The following CDCA7L variants were observed in gnomAD, a reference collection of about 807,000 sequenced individuals.
The protein encoded by CDCA7L is cell division cycle associated 7 like, also known as cell division cycle-associated 7-like protein.
Under a neutral mutation model 57.4 loss-of-function variants are expected in CDCA7L, and 44 were observed. That is an observed-to-expected ratio of 0.77 (90% confidence interval 0.60 to 0.98). The LOEUF is 0.98. Among genes scored for constraint, CDCA7L ranks in the 50% least tolerant of loss-of-function variants. The probability of loss-of-function intolerance (pLI) is 0.00; values close to 1 mark genes in which losing one functional copy is unlikely to be tolerated. For missense variants in CDCA7L, 644 were observed against 580.6 expected, an observed-to-expected ratio of 1.11 and a Z score of -1.12; for synonymous variants, 236 against 202.8, an observed-to-expected ratio of 1.16 and a Z score of -1.39.
intron 9 of CDCA7L, 157 bp from the exon 10 acceptor site, chr7:21,902,509 C>T (rs1447237272): frequency 1.4e-6 from 1 of 709,036 alleles, no homozygotes; most frequent in Admixed American, 2.2e-5. Flanking sequence ...ATCCGTATAC[C>T]CTCTGGTGTA....
At chr7:21,928,786 C>T (rs963430797) in intron 1 of CDCA7L, among the ~76,000 whole-genome samples, 1 of 151,866 alleles carries the variant, frequency 6.6e-6, no homozygotes, top group African/African-American at 2.4e-5. Flanking sequence ...AAAAAAGCCT[C>T]CAAGAAATAT....
rs1047187291 is a variant in CDCA7L, at chr7:21,900,934, C to G, written c.*1388G>C. On this transcript the variant is annotated 3_prime_UTR_variant, in exon 10 of 10. Transcript: ENST00000406877. Reference sequence around the variant, plus strand: ...CCAGAATGTTGAATGTTTATTGCATCAAACAACTTACTTGATCATTATCAT... The same window carrying G: ...CCAGAATGTTGAATGTTTATTGCATGAAACAACTTACTTGATCATTATCAT... 4 of 1,386,890 alleles carry G rather than the reference C, an allele frequency of 2.9e-6. No individual in the cohort carries two copies. The highest frequency in any genetic ancestry group is 1.9e-5 in the African/African-American group (1 of 52,706). The allele number at this position is 1,386,890 out of a possible 1,614,324, so 85.9% of individuals were successfully genotyped here.
chr7:21,914,300 A>C (rs1437120368), intron 2 of CDCA7L, among the ~76,000 whole-genome samples: 1 of 152,216 alleles, frequency 6.6e-6, no homozygotes, highest in African/African-American at 2.4e-5. Flanking sequence ...ATGAGGACGA[A>C]AAGTCAGAGC....
chr7:21,921,593 CTT>C (rs201649581), intron 1 of CDCA7L, among the ~76,000 whole-genome samples: 2 of 138,948 alleles, frequency 1.4e-5, no homozygotes, highest in East Asian at 2.1e-4. Flanking sequence ...AATGCAAGAC[CTT>C]TTTTTTTTTT....
rs188115808 is a variant in CDCA7L, at chr7:21,901,379, C to G, written c.*943G>C. On this transcript the variant is annotated 3_prime_UTR_variant, in exon 10 of 10. Coordinates refer to ENST00000406877, the MANE Select transcript of CDCA7L (RefSeq NM_018719.5). ...ACTCACACGTGCATTCTTTTTTCAACGCTATCCTTAGAGTGAAAGTCAGAA... is the reference window on the plus strand; with the variant it reads ...ACTCACACGTGCATTCTTTTTTCAAGGCTATCCTTAGAGTGAAAGTCAGAA... 1.1e-4 allele frequency: 143 copies of G among 1,303,194 alleles called. No individual in the cohort carries two copies. The African/African-American group carries it at 1.7e-3, about 15-fold the overall frequency. The allele number at this position is 1,303,194 out of a possible 1,614,324, so 80.7% of individuals were successfully genotyped here.
chr7:21,929,432 C>G (rs1785933365), intron 1 of CDCA7L, among the ~76,000 whole-genome samples: 2 of 152,094 alleles, frequency 1.3e-5, no homozygotes, highest in East Asian at 1.9e-4. Context: ...ATCATAATAA[C>G]AGGATCAAAT....
chr7:21,927,971 A>G (rs1292851897), intron 1 of CDCA7L, among the ~76,000 whole-genome samples: 1 of 152,188 alleles, frequency 6.6e-6, no homozygotes, highest in Admixed American at 6.5e-5. Flanking sequence ...CTGCTAAGGG[A>G]CAGACTTGCC....
chr7:21,928,706 G>A (rs542628191), intron 1 of CDCA7L, among the ~76,000 whole-genome samples: 105 of 151,742 alleles, frequency 6.9e-4, no homozygotes, highest in African/African-American at 2.4e-3. Context: ...GGATATCAGA[G>A]ACTGAAGATC....
chr7:21,945,848 G>A lies in CDCA7L; in HGVS notation c.-44C>T, dbSNP rs372913553. The A allele has an allele frequency of 2.7e-5, 43 of 1,587,446 alleles. No individual in the cohort carries two copies. The highest frequency in any genetic ancestry group is 3.4e-5 in the Non-Finnish European group (40 of 1,169,224). ...AGTCTCCTCCCAGCACGCGGCCACG[G>A]GAGCCCGGACTCACCACGGCCCGGC... On this transcript the variant is annotated 5_prime_UTR_variant, in exon 1 of 10. Coordinates refer to ENST00000406877, the MANE Select transcript of CDCA7L (RefSeq NM_018719.5).
rs1562614615 is a variant in CDCA7L, at chr7:21,901,157, T to G, written c.*1165A>C. On this transcript the variant is annotated 3_prime_UTR_variant, in exon 10 of 10. Transcript: ENST00000406877. ...GAGTGCCCTGTGTATAGAACCAAAC[T>G]GAGAGGCCCCAGCTACATCTGGACC... The G allele has an allele frequency of 1.2e-6, 2 of 1,613,682 alleles. No homozygotes were observed. The highest frequency in any genetic ancestry group is 1.3e-5 in the African/African-American group (1 of 74,854).
chr7:21,927,202 C>T (rs556734822), intron 1 of CDCA7L, among the ~76,000 whole-genome samples: 169 of 152,208 alleles, frequency 1.1e-3, no homozygotes, highest in East Asian at 9.1e-3. Flanking sequence ...ACTGGACTTA[C>T]TAGACAGACA....
intron 1 of CDCA7L, among the ~76,000 whole-genome samples, chr7:21,938,396 G>C (rs887310889): frequency 6.6e-6 from 1 of 151,904 alleles, no homozygotes; most frequent in African/African-American, 2.4e-5. Flanking sequence ...ATCCAGGAAA[G>C]AACTAGGGCT....
intron 2 of CDCA7L, among the ~76,000 whole-genome samples, chr7:21,912,097 G>A (rs988891779): frequency 2.0e-5 from 3 of 151,854 alleles, no homozygotes; most frequent in Non-Finnish European, 4.4e-5. Context: ...CCTCATCTCT[G>A]CAAAAAATAC....
intron 1 of CDCA7L, among the ~76,000 whole-genome samples, chr7:21,927,119 T>C (rs147257281): frequency 7.2e-5 from 11 of 152,078 alleles, no homozygotes; most frequent in African/African-American, 2.4e-4. Flanking sequence ...AACAAAGACA[T>C]ATAAAAAAGA....
At chr7:21,923,985 T>C (rs1306420867) in intron 1 of CDCA7L, among the ~76,000 whole-genome samples, 5 of 152,218 alleles carry the variant, frequency 3.3e-5, no homozygotes, top group Admixed American at 3.3e-4. Context: ...TAATAAGCTA[T>C]AAAAAGATCA....
chr7:21,929,661 G>A (rs1785945565), intron 1 of CDCA7L, among the ~76,000 whole-genome samples: 3 of 141,330 alleles, frequency 2.1e-5, no homozygotes, highest in Non-Finnish European at 3.0e-5. Flanking sequence ...AAAAAAGCAG[G>A]GATTGCAATC....
chr7:21,913,452 A>T (rs1309484832), intron 2 of CDCA7L, among the ~76,000 whole-genome samples: 1 of 152,122 alleles, frequency 6.6e-6, no homozygotes, highest in African/African-American at 2.4e-5. Flanking sequence ...GCTTCTCTCT[A>T]TTGGTTAAAA....
chr7:21,940,649 T>C (rs1379838281), intron 1 of CDCA7L, among the ~76,000 whole-genome samples: 1 of 152,204 alleles, frequency 6.6e-6, no homozygotes, highest in Non-Finnish European at 1.5e-5. Flanking sequence ...CCAGGAGCAG[T>C]AACCTACATA....
At chr7:21,912,098 C>CA (rs1437991698) in intron 2 of CDCA7L, among the ~76,000 whole-genome samples, 2 of 151,860 alleles carry the variant, frequency 1.3e-5, no homozygotes, top group East Asian at 1.9e-4. Context: ...CTCATCTCTG[C>CA]AAAAAATACA....
Sources: gnomAD v4.1 joint callset for allele counts (sites outside exome capture counted in the v4.1 genomes callset) on GRCh38, gnomAD v4.1.1 for gene constraint, MANE v1.5 for transcripts, NCBI Gene and HGNC (gene_info 2026-07-23, HGNC 2026-07-21) for gene names.